DPP6: variants seen among roughly 807,000 people sequenced by gnomAD.
DPP6 encodes A-type potassium channel modulatory protein DPP6.
Under a neutral mutation model 122.6 loss-of-function variants are expected in DPP6, and 69 were observed. The ratio of observed to expected loss-of-function variants is 0.56; its 90% CI spans 0.46 to 0.69. DPP6 has a LOEUF of 0.69. Ranked by LOEUF, DPP6 falls within the 30% of genes least tolerant of loss-of-function variation. The pLI, the probability that DPP6 is intolerant of heterozygous loss-of-function variation, is 0.00. For missense variants in DPP6, 928 were observed against 1,116.9 expected (o/e 0.83, Z 2.41); for synonymous variants, 418 against 433.1 (o/e 0.97, Z 0.43).
At chr7:154,342,510 AG>A (rs1810022308) in intron 1 of DPP6, among the ~76,000 whole-genome samples, 1 of 152,184 alleles carries the variant, frequency 6.6e-6, no homozygotes, top group Admixed American at 6.5e-5. Context: ...TTGGGGGTGA[AG>A]TGGGCTGTAA....
intron 5 of DPP6, 52 bp from the exon 6 acceptor site, chr7:154,637,769 C>A (rs6956791): frequency 0.012 from 18,349 of 1,517,470 alleles, 194 homozygotes; most frequent in Middle Eastern, 0.033. Context: ...AAAATATCAT[C>A]GTAACAGCCT....
At chr7:153,963,350 T>G (rs1287622520) in intron 1 of DPP6, among the ~76,000 whole-genome samples, 1 of 149,666 alleles carries the variant, frequency 6.7e-6, no homozygotes, top group Non-Finnish European at 1.5e-5. Context: ...GTCTTGCTCC[T>G]TCATAGCAAG....
chr7:154,460,886 C>A (rs1379976761), intron 2 of DPP6, among the ~76,000 whole-genome samples: 2 of 152,116 alleles, frequency 1.3e-5, no homozygotes, highest in Non-Finnish European at 2.9e-5. Flanking sequence ...TTTAAAAATG[C>A]ATAATAAAGT....
chr7:154,061,679 T>C (rs1563154093), intron 1 of DPP6, among the ~76,000 whole-genome samples: 2 of 137,668 alleles, frequency 1.5e-5, no homozygotes, highest in Admixed American at 7.0e-5. Flanking sequence ...CCCCCCTGGC[T>C]CTTGGGACCA....
At chr7:153,933,776 A>C (rs1001556925) in intron 1 of DPP6, among the ~76,000 whole-genome samples, 1 of 152,054 alleles carries the variant, frequency 6.6e-6, no homozygotes, top group Non-Finnish European at 1.5e-5. Context: ...CCCCCCCAGC[A>C]GGCAGATTTC....
intron 5 of DPP6, chr7:154,587,683 C>T (rs1200624152): frequency 2.6e-6 from 4 of 1,550,284 alleles, no homozygotes; most frequent in African/African-American, 2.7e-5. Flanking sequence ...GTTGACATTG[C>T]CTCATTCAAA....
At chr7:154,501,603 G>C (rs1318555892) in intron 3 of DPP6, among the ~76,000 whole-genome samples, 1 of 152,184 alleles carries the variant, frequency 6.6e-6, no homozygotes, top group Non-Finnish European at 1.5e-5. Flanking sequence ...GCCTGTGGGT[G>C]CACAGAAGTC....
chr7:154,068,013 C>CT (rs1802862602), intron 1 of DPP6, among the ~76,000 whole-genome samples: 1 of 150,952 alleles, frequency 6.6e-6, no homozygotes, highest in South Asian at 2.1e-4. Context: ...CCTCCCACCT[C>CT]GGTCTCCCAA....
intron 1 of DPP6, among the ~76,000 whole-genome samples, chr7:154,429,961 A>G (rs925466041): frequency 4.6e-5 from 7 of 152,188 alleles, no homozygotes. Context: ...TCTGGAATAC[A>G]GGCCATCCTT....
chr7:153,978,362 GTGTC>G lies in DPP6; in HGVS notation c.51+90632_51+90635del, dbSNP rs555189320. Among the ~76,000 whole-genome samples, 375 of 152,304 alleles carry G rather than the reference GTGTC, an allele frequency of 2.5e-3. 2 individuals are homozygous for G. Among genetic ancestry groups the G allele is most frequent in the African/African-American group, 8.8e-3 (365 of 41,564 alleles). The stretch of plus-strand genomic sequence containing the variant: ...CTGCATAAATGTCTTCGTTTGAAAA[GTGTC>G]TGTTCATATCCTTTGCCCACTTTTT... On this transcript the variant is annotated intron_variant, in intron 1 of 25. Coordinates refer to the DPP6 transcript ENST00000404039.
At chr7:154,827,214 A>G (rs1378251810) in intron 16 of DPP6, among the ~76,000 whole-genome samples, 1 of 151,010 alleles carries the variant, frequency 6.6e-6, no homozygotes, top group Non-Finnish European at 1.5e-5. Flanking sequence ...ACACACACAC[A>G]CACACACACA....
rs530013221 is a variant in DPP6, at chr7:154,879,483, G to A, written c.2079-1405G>A. ...CGGGCACCTGTAGTCCCAGCTACTC[G>A]GGAGGCTGAGGCAGGAGAATGGCGT... On this transcript the variant is annotated intron_variant, in intron 20 of 25. Transcript: ENST00000377770. 4.5e-5 allele frequency among the ~76,000 whole-genome samples: 6 copies of A among 134,456 alleles called. 2 individuals are homozygous for A. Among genetic ancestry groups the A allele is most frequent in the Non-Finnish European group, 6.1e-5 (4 of 65,452 alleles). 88.2% of individuals were successfully genotyped at this position (134,456 alleles called of 152,430 possible).
At chr7:154,627,189 C>CAT in intron 5 of DPP6, among the ~76,000 whole-genome samples, 1 of 103,432 alleles carries the variant, frequency 9.7e-6, no homozygotes, top group Non-Finnish European at 1.9e-5. Context: ...ATTTTTTTTC[C>CAT]TTTTTTTTTT....
At chr7:153,762,522 G>T in the DPP6 span, among the ~76,000 whole-genome samples, 1 of 152,122 alleles carries the variant, frequency 6.6e-6, no homozygotes, top group South Asian at 2.1e-4. Flanking sequence ...TATAATTCCA[G>T]CACTTTGGGA....
the DPP6 span, among the ~76,000 whole-genome samples, chr7:153,826,935 C>G: frequency 6.6e-6 from 1 of 151,910 alleles, no homozygotes; most frequent in East Asian, 1.9e-4. Flanking sequence ...GAAAATGTAA[C>G]TCATTTATTC....
chr7:154,547,501 G>A (rs1024907016), intron 4 of DPP6, among the ~76,000 whole-genome samples: 2 of 152,184 alleles, frequency 1.3e-5, no homozygotes, highest in Non-Finnish European at 2.9e-5. Flanking sequence ...CAGGACATGG[G>A]CCGACCAGCC....
chr7:154,000,306 A>G (rs537821616), intron 1 of DPP6, among the ~76,000 whole-genome samples: 304 of 152,188 alleles, frequency 2.0e-3, no homozygotes, highest in Non-Finnish European at 3.5e-3. Flanking sequence ...CCAGCAATAG[A>G]TGGGGTTGTG....
At chr7:154,202,286 A>T (rs1184810464) in intron 1 of DPP6, among the ~76,000 whole-genome samples, 2 of 152,140 alleles carry the variant, frequency 1.3e-5, no homozygotes, top group Non-Finnish European at 2.9e-5. Flanking sequence ...ACACAAAAGG[A>T]TGTATTGAAA....
chr7:154,543,696 T>C (rs1012429881), intron 4 of DPP6, among the ~76,000 whole-genome samples: 3 of 152,120 alleles, frequency 2.0e-5, no homozygotes, highest in African/African-American at 7.2e-5. Context: ...ACAAACACTT[T>C]AGATTGTTGA....
Sources: gnomAD v4.1 joint callset for allele counts (sites outside exome capture counted in the v4.1 genomes callset) on GRCh38, gnomAD v4.1.1 for gene constraint, MANE v1.5 for transcripts, NCBI Gene and HGNC (gene_info 2026-07-23, HGNC 2026-07-21) for gene names.